The following CCNH variants were observed in gnomAD, a reference collection of about 807,000 sequenced individuals.
CCNH encodes the protein cyclin H, also known as cyclin-H.
A neutral mutation model predicts 41.9 loss-of-function variants in CCNH; 31 were observed. The ratio of observed to expected loss-of-function variants is 0.74; its 90% CI spans 0.56 to 1.00. The LOEUF is 1.00. CCNH is among the 50% of genes least tolerant of loss of function. The pLI, the probability that CCNH is intolerant of heterozygous loss-of-function variation, is 0.00. For missense variants in CCNH, 362 were observed against 388.4 expected (o/e 0.93, Z 0.57); for synonymous variants, 138 against 136.1 (o/e 1.01, Z -0.10).
Position 87,361,709 on chromosome 5 carries a change from T to C in CCNH, c.*90+31061A>G, listed in dbSNP as rs565384068. Among the ~76,000 whole-genome samples, 45 of 152,264 alleles carry C rather than the reference T, an allele frequency of 3.0e-4. No homozygotes were observed. The Middle Eastern group carries it at 0.017, about 58-fold the overall frequency. ...GTAACATATGCATTCCTAAAAATCATAGCATTATGCAAAATTAGGCAATCA... is the reference window on the plus strand; with the variant it reads ...GTAACATATGCATTCCTAAAAATCACAGCATTATGCAAAATTAGGCAATCA... On this transcript the variant is annotated intron_variant and NMD_transcript_variant, in intron 9 of 9. Transcript: ENST00000645953.
intron 9 of CCNH, among the ~76,000 whole-genome samples, chr5:87,342,280 T>C (rs538423264): frequency 9.1e-4 from 138 of 151,990 alleles, no homozygotes; most frequent in African/African-American, 3.0e-3. Context: ...TGCCTTAGTC[T>C]CCTGAGTAGC....
intron 9 of CCNH, among the ~76,000 whole-genome samples, chr5:87,321,460 A>G (rs1291636115): frequency 1.3e-5 from 2 of 152,194 alleles, no homozygotes; most frequent in African/African-American, 2.4e-5. Flanking sequence ...GTAAGTCTGC[A>G]TCTCTGGAAC....
At chr5:87,352,623 T>G (rs1484100006) in intron 9 of CCNH, among the ~76,000 whole-genome samples, 4 of 151,880 alleles carry the variant, frequency 2.6e-5, no homozygotes, top group Non-Finnish European at 5.9e-5. Flanking sequence ...CTTTTCTCCC[T>G]ATAGTGATAA....
chr5:87,383,859 C>CTTTTT, intron 9 of CCNH: 1 of 897,566 alleles, frequency 1.1e-6, no homozygotes, highest in South Asian at 1.7e-5. Flanking sequence ...ACTCTTAAAT[C>CTTTTT]TTTTTTTTTT....
downstream of CCNH, among the ~76,000 whole-genome samples, chr5:87,316,906 A>T (rs554283582): frequency 6.6e-6 from 1 of 151,848 alleles, no homozygotes; most frequent in South Asian, 2.1e-4. Context: ...TTTTGGAGAA[A>T]GAGTCTTGCT....
At chr5:87,331,044 C>T in intron 9 of CCNH, 1 of 1,264,100 alleles carries the variant, frequency 7.9e-7, no homozygotes, top group Non-Finnish European at 1.1e-6. Flanking sequence ...GATCTGGTTG[C>T]AGTAGTGTTT....
intron 9 of CCNH, chr5:87,353,089 T>C: frequency 5.5e-6 from 7 of 1,267,214 alleles, no homozygotes; most frequent in Middle Eastern, 4.6e-4. Flanking sequence ...CAAGAAAGTT[T>C]ACACATATTT....
chr5:87,343,934 C>G (rs1758660301), intron 9 of CCNH, among the ~76,000 whole-genome samples: 1 of 152,072 alleles, frequency 6.6e-6, no homozygotes, highest in Non-Finnish European at 1.5e-5. Flanking sequence ...ATGGAACTGG[C>G]AAATACCATG....
downstream of CCNH, among the ~76,000 whole-genome samples, chr5:87,372,851 C>T (rs1184647305): frequency 1.3e-5 from 2 of 152,090 alleles, no homozygotes; most frequent in East Asian, 1.9e-4. Context: ...GTCTCCTGTT[C>T]TCTTTGTGCG....
chr5:87,368,879 CA>C (rs2112472652), intron 9 of CCNH, among the ~76,000 whole-genome samples: 2 of 152,228 alleles, frequency 1.3e-5, no homozygotes, highest in South Asian at 4.1e-4. Context: ...TGCTTTCAAA[CA>C]GTTGTTTTTC....
chr5:87,376,051 A>T (rs1266322191), downstream of CCNH, among the ~76,000 whole-genome samples: 33 of 152,114 alleles, frequency 2.2e-4, 1 homozygote, highest in Admixed American at 2.2e-3. Context: ...CACAGGCTGA[A>T]TTAGATATTA....
intron 9 of CCNH, among the ~76,000 whole-genome samples, chr5:87,361,441 AGATTTATAAGAGGATT>A (rs1760083296): frequency 6.6e-6 from 1 of 152,222 alleles, no homozygotes; most frequent in South Asian, 2.1e-4. Context: ...AGCATAACTT[AGATTTATAAGAGGATT>A]GAATGGATCC....
chr5:87,407,232 T>C (rs1763860913), intron 4 of CCNH, among the ~76,000 whole-genome samples: 1 of 152,194 alleles, frequency 6.6e-6, no homozygotes, highest in Admixed American at 6.5e-5. Context: ...CTCTAAAATA[T>C]ATTTTCCCCT....
chr5:87,341,409 T>C (rs1406552164), intron 9 of CCNH: 2 of 961,838 alleles, frequency 2.1e-6, no homozygotes, highest in Non-Finnish European at 2.8e-6. Flanking sequence ...AAATTGTTTT[T>C]TAAGGTTTTG....
At chr5:87,358,257 G>T (rs1017748933) in intron 9 of CCNH, among the ~76,000 whole-genome samples, 5 of 152,098 alleles carry the variant, frequency 3.3e-5, no homozygotes, top group African/African-American at 1.2e-4. Context: ...GGGTCCTTTT[G>T]AGACAATATA....
intron 9 of CCNH, among the ~76,000 whole-genome samples, chr5:87,349,607 T>A (rs1398760861): frequency 6.6e-6 from 1 of 151,918 alleles, no homozygotes; most frequent in Non-Finnish European, 1.5e-5. Context: ...AAATTAGACA[T>A]AAGCTGTTTG....
chr5:87,369,525 T>A (rs1760771738), intron 9 of CCNH, among the ~76,000 whole-genome samples: 1 of 152,146 alleles, frequency 6.6e-6, no homozygotes, highest in Admixed American at 6.6e-5. Context: ...TTCTAGCAGT[T>A]CAGCTTCAAT....
At position 87,404,019 on chromosome 5, in the gene CCNH, G is replaced by T. The variant is rs3093808; in HGVS notation, c.689+825C>A. 1.7e-3 allele frequency among the ~76,000 whole-genome samples: 260 copies of T among 152,296 alleles called. 1 individual carries two copies. Among genetic ancestry groups the T allele is most frequent in the Middle Eastern group, 0.017 (5 of 294 alleles). ...GTATACATTTATATACAGTTGGTGAGCTGCGTTTGCAGAGAACAGGCATAT... is the reference window on the plus strand; with the variant it reads ...GTATACATTTATATACAGTTGGTGATCTGCGTTTGCAGAGAACAGGCATAT... On this transcript the variant is annotated intron_variant, in intron 5 of 8. Transcript: ENST00000256897.
intron 9 of CCNH, among the ~76,000 whole-genome samples, chr5:87,335,987 T>G (rs1052321831): frequency 2.6e-5 from 4 of 152,156 alleles, no homozygotes; most frequent in African/African-American, 9.7e-5. Flanking sequence ...TCATAGAATA[T>G]CTATAATTAT....
Sources: gnomAD v4.1 joint callset for allele counts (sites outside exome capture counted in the v4.1 genomes callset) on GRCh38, gnomAD v4.1.1 for gene constraint, MANE v1.5 for transcripts, NCBI Gene and HGNC (gene_info 2026-07-23, HGNC 2026-07-21) for gene names.